Variants in ZNF100 observed in about 807,000 individuals in gnomAD.
ZNF100 encodes the protein zinc finger protein 100, also known as zinc finger protein 100 (Y1).
Under a neutral mutation model 15.8 loss-of-function variants are expected in ZNF100, and 12 were observed. The ratio of observed to expected loss-of-function variants is 0.76; its 90% CI spans 0.49 to 1.23. ZNF100 has a LOEUF of 1.23. Among genes scored for constraint, ZNF100 ranks in the 50% most tolerant of loss-of-function variants. The pLI is 0.00. For missense variants in ZNF100, 670 were observed against 635.6 expected, an observed-to-expected ratio of 1.05 and a Z score of -0.58; for synonymous variants, 226 against 214.8, an observed-to-expected ratio of 1.05 and a Z score of -0.45.
rs1215983139 is a variant in ZNF100 at position 21,765,767 on chromosome 19, A to G, written c.23T>C (p.Met8Thr). 1 of 1,614,040 alleles carries G rather than the reference A, an allele frequency of 6.2e-7. No individual in the cohort carries two copies. Among genetic ancestry groups the G allele is most frequent in the African/African-American group, 1.3e-5 (1 of 74,924 alleles). Reference sequence around the variant, plus strand: ...TCCACTTGCTCCCTTGAGAGGACACATTCCATACCTCGGGTCATCCTACGG... The same window carrying G: ...TCCACTTGCTCCCTTGAGAGGACACGTTCCATACCTCGGGTCATCCTACGG... MDDPRYG[M>T]CPLKGASGCP... The change falls in exon 2 of 5, where the codon ATG (methionine) becomes ACG (threonine). Residue 8 changes from methionine (M) to threonine (T), a missense_variant. Transcript: ENST00000358296.
chr19:21,755,230 C>G (rs750109985), intron 2 of ZNF100, among the ~76,000 whole-genome samples: 4 of 151,928 alleles, frequency 2.6e-5, no homozygotes, highest in Non-Finnish European at 5.9e-5. Context: ...TCGCTTGAAC[C>G]CAGGAGGCAG....
chr19:21,737,554 GAA>G (rs566662354), intron 4 of ZNF100, among the ~76,000 whole-genome samples: 2 of 111,810 alleles, frequency 1.8e-5, no homozygotes, highest in South Asian at 2.8e-4. Context: ...AAAAAAAGAA[GAA>G]AAAAAAAAAA....
chr19:21,751,158 C>A, intron 2 of ZNF100: 1 of 1,334,100 alleles, frequency 7.5e-7, no homozygotes, highest in Non-Finnish European at 1.1e-6. Flanking sequence ...AGAGGAAGAG[C>A]AACCACTTAA....
In ZNF100 at chr19:21,761,692, T is replaced by C. The variant is rs527354828; in HGVS notation, c.96+4002A>G. 2.9e-4 allele frequency among the ~76,000 whole-genome samples: 44 copies of C among 152,198 alleles called. 1 individual carries two copies. Among genetic ancestry groups the C allele is most frequent in the African/African-American group, 9.9e-4 (41 of 41,530 alleles). ...AACTTTTTTTTTTTATGTTCACACT[T>C]CACATTGTCTTATGTTTATTTGCAG... On this transcript the variant is annotated intron_variant, in intron 2 of 4. Coordinates refer to ENST00000358296, the MANE Select transcript of ZNF100 (RefSeq NM_173531.4).
In ZNF100 at chr19:21,724,178, T is replaced by C. The variant is rs929766370; in HGVS notation, c.*2505A>G. The C allele has an allele frequency of 6.6e-6, 1 of 152,148 alleles. No individual in the cohort carries two copies. The highest frequency in any genetic ancestry group is 1.5e-5 in the Non-Finnish European group (1 of 68,006). 9.4% of individuals were successfully genotyped at this position (152,148 alleles called of 1,614,324 possible). On this transcript the variant is annotated 3_prime_UTR_variant, in exon 5 of 5. Coordinates refer to ENST00000358296, the MANE Select transcript of ZNF100 (RefSeq NM_173531.4). ...AAGCCACAGAATGTACAGTAATAAA[T>C]TCAATACAAAGCAGAGAATACATTT...
chr19:21,728,000 T>A lies in ZNF100; in HGVS notation c.323-11A>T. On this transcript the variant is annotated splice_polypyrimidine_tract_variant and intron_variant, in intron 4 of 4. Coordinates refer to ENST00000358296, the MANE Select transcript of ZNF100 (RefSeq NM_173531.4). ...AATGAGAACATATAACTGAAAGAAA[T>A]AAAAATAACAAATTACTTTACTTAC... 6.7e-7 allele frequency: 1 copy of A among 1,486,860 alleles called. No homozygotes were observed. Among genetic ancestry groups the A allele is most frequent in the South Asian group, 1.5e-5 (1 of 68,482 alleles). The allele number at this position is 1,486,860 out of a possible 1,614,324, so 92.1% of individuals were successfully genotyped here. A position where few individuals can be genotyped will look rare whatever the true frequency, so the allele number is the denominator to read the frequency against.
chr19:21,746,609 T>G (rs1244782525), intron 2 of ZNF100, among the ~76,000 whole-genome samples: 1 of 152,058 alleles, frequency 6.6e-6, no homozygotes, highest in Admixed American at 6.6e-5. Context: ...GCATGGCATA[T>G]AAGAAGCCAT....
At position 21,744,999 on chromosome 19, in the gene ZNF100, A is replaced by T; in HGVS notation, c.165T>A (p.Ala55=). 6.2e-7 allele frequency: 1 copy of T among 1,612,890 alleles called. No individual in the cohort carries two copies. The highest frequency in any genetic ancestry group is 8.5e-7 in the Non-Finnish European group (1 of 1,179,826). The change falls in exon 3 of 5, where the codon GCT becomes GCA. Residue 55 remains alanine, a synonymous_variant. Coordinates refer to ENST00000358296, the MANE Select transcript of ZNF100 (RefSeq NM_173531.4). ...TCACTTTCCTATACAAACCCTGCTG[A>T]GCACTGTCCAGGCATTGCCACTCCT... is the stretch of plus-strand genomic sequence containing the variant. ...SLEEWQCLDS[A]QQGLYRKVML... is the part of the protein sequence containing the mutation.
In ZNF100 at chr19:21,729,426, T is replaced by C. The variant is rs144305653; in HGVS notation, c.323-1437A>G. On this transcript the variant is annotated intron_variant, in intron 4 of 4. Coordinates refer to ENST00000358296, the MANE Select transcript of ZNF100 (RefSeq NM_173531.4). ...ACAGTCAAATAAAAATACATTACTT[T>C]CGGGAGGGGGGAGGGATAGCATTAG... Among the ~76,000 whole-genome samples the C allele has an allele frequency of 1.9e-4, 17 of 87,614 alleles. No individual in the cohort carries two copies. In the East Asian group the frequency reaches 6.3e-3, roughly 32 times the overall value. The allele number at this position is 87,614 out of a possible 152,430, so 57.5% of individuals were successfully genotyped here.
chr19:21,757,796 G>T lies in ZNF100; in HGVS notation c.96+7898C>A, dbSNP rs189051581. ...CATTCTTGTAATCCCAGCACTTTGG[G>T]AGGCCAAGGCAGGTGGATTGCCTTA... On this transcript the variant is annotated intron_variant, in intron 2 of 4. Coordinates refer to ENST00000358296, the MANE Select transcript of ZNF100 (RefSeq NM_173531.4). 8.9e-4 allele frequency among the ~76,000 whole-genome samples: 136 copies of T among 152,252 alleles called. 1 individual carries two copies. The highest frequency in any genetic ancestry group is 3.4e-3 in the Middle Eastern group (1 of 294).
chr19:21,765,896 A>T, intron 1 of ZNF100, 110 bp from the exon 2 acceptor site: 1 of 1,097,202 alleles, frequency 9.1e-7, no homozygotes, highest in South Asian at 1.4e-5. Flanking sequence ...CAGGACCAGG[A>T]AAAAACTAAA....
At chr19:21,762,454 G>A (rs2036497387) in intron 2 of ZNF100, among the ~76,000 whole-genome samples, 1 of 152,156 alleles carries the variant, frequency 6.6e-6, no homozygotes, top group South Asian at 2.1e-4. Context: ...TAGAAATGCA[G>A]AATAAACTTA....
intron 2 of ZNF100, chr19:21,750,950 G>T: frequency 1.2e-6 from 1 of 818,776 alleles, no homozygotes; most frequent in South Asian, 1.7e-5. Flanking sequence ...CTACGAGGCG[G>T]CACCCGGGGA....
chr19:21,735,191 C>A (rs181599001), intron 4 of ZNF100, among the ~76,000 whole-genome samples: 1 of 152,142 alleles, frequency 6.6e-6, no homozygotes, highest in South Asian at 2.1e-4. Flanking sequence ...ATCAAATTCA[C>A]ACATAACAAT....
chr19:21,745,648 G>C (rs913589092), intron 2 of ZNF100, among the ~76,000 whole-genome samples: 2 of 151,588 alleles, frequency 1.3e-5, no homozygotes, highest in Non-Finnish European at 2.9e-5. Context: ...TCAGCCTCCC[G>C]AGTAGCTGGG....
At position 21,723,573 on chromosome 19, in the gene ZNF100, T is replaced by C. The variant is rs909182857; in HGVS notation, c.*3110A>G. On this transcript the variant is annotated 3_prime_UTR_variant, in exon 5 of 5. Coordinates refer to ENST00000358296, the MANE Select transcript of ZNF100 (RefSeq NM_173531.4). ...AGAAATAAAAGATGCAGAACTTCTC[T>C]TTAAATTCAGCAAGATTCAGCATTG... 6 of 152,192 alleles carry C rather than the reference T, an allele frequency of 3.9e-5. No homozygotes were observed. Among genetic ancestry groups the C allele is most frequent in the African/African-American group, 9.7e-5 (4 of 41,444 alleles). The allele number at this position is 152,192 out of a possible 1,614,324, so 9.4% of individuals were successfully genotyped here.
chr19:21,726,604 G>T lies in ZNF100; in HGVS notation c.*79C>A. ...TAAAGGCTTTGCCATATTCTTCACA[G>T]TCACAGGAGTTCCCTCCAGTATGAA... On this transcript the variant is annotated 3_prime_UTR_variant, in exon 5 of 5. Transcript: ENST00000358296. The T allele has an allele frequency of 7.9e-7, 1 of 1,264,410 alleles. No individual in the cohort carries two copies. Among genetic ancestry groups the T allele is most frequent in the Non-Finnish European group, 1.1e-6 (1 of 907,302 alleles). 78.3% of individuals were successfully genotyped at this position (1,264,410 alleles called of 1,614,324 possible). A position where few individuals can be genotyped will look rare whatever the true frequency, so the allele number is the denominator to read the frequency against.
At chr19:21,732,024 G>A (rs1037066316) in intron 4 of ZNF100, among the ~76,000 whole-genome samples, 1 of 152,170 alleles carries the variant, frequency 6.6e-6, no homozygotes, top group Admixed American at 6.5e-5. Flanking sequence ...AGGCCAAGGT[G>A]GGCGGATCAC....
At chr19:21,743,935 C>T in intron 4 of ZNF100, 82 bp downstream of exon 4, 3 of 1,392,548 alleles carry the variant, frequency 2.2e-6, no homozygotes, top group South Asian at 3.0e-5. Context: ...CATAGCTTCC[C>T]AAACCACATT....
Sources: gnomAD v4.1 joint callset for allele counts (sites outside exome capture counted in the v4.1 genomes callset) on GRCh38, gnomAD v4.1.1 for gene constraint, MANE v1.5 for transcripts, NCBI Gene and HGNC (gene_info 2026-07-23, HGNC 2026-07-21) for gene names.